CDH8: variants seen among roughly 807,000 people sequenced by gnomAD.
CDH8 encodes cadherin 8, also known as cadherin-8.
Under a neutral mutation model 68.1 loss-of-function variants are expected in CDH8, and 17 were observed. The ratio of observed to expected loss-of-function variants is 0.25; its 90% CI spans 0.17 to 0.37. The LOEUF (loss-of-function observed/expected upper bound fraction) is 0.37. CDH8 is among the 10% of genes least tolerant of loss of function. CDH8 has a pLI of 1.00. For missense variants in CDH8, 763 were observed against 999.3 expected, an observed-to-expected ratio of 0.76 and a Z score of 3.19; for synonymous variants, 372 against 365.1, an observed-to-expected ratio of 1.02 and a Z score of -0.21.
chr16:61,989,068 C>G (rs917455542), intron 2 of CDH8, among the ~76,000 whole-genome samples: 5 of 152,044 alleles, frequency 3.3e-5, no homozygotes, highest in Admixed American at 3.3e-4. Flanking sequence ...ACAGAAAGTT[C>G]CTTTGATTAT....
intron 2 of CDH8, among the ~76,000 whole-genome samples, chr16:62,017,298 A>AAAACAGTC (rs1248294633): frequency 3.3e-5 from 5 of 152,158 alleles, no homozygotes; most frequent in Non-Finnish European, 7.3e-5. Flanking sequence ...ATCAGGAAGA[A>AAAACAGTC]AAACAGTCAA....
At chr16:61,929,973 A>T (rs1185993498) in intron 2 of CDH8, among the ~76,000 whole-genome samples, 1 of 152,182 alleles carries the variant, frequency 6.6e-6, no homozygotes, top group East Asian at 1.9e-4. Flanking sequence ...TATTAAATAA[A>T]GTATAGTCAT....
chr16:61,918,114 T>TA (rs1213351311), intron 2 of CDH8: 2,581 of 145,162 alleles, frequency 0.018, 52 homozygotes, highest in African/African-American at 0.055. Context: ...CTCTCAGGAT[T>TA]AAAAAAAAAA....
intron 3 of CDH8, among the ~76,000 whole-genome samples, chr16:61,874,272 T>A (rs1440307910): frequency 1.3e-5 from 2 of 152,170 alleles, no homozygotes; most frequent in East Asian, 1.9e-4. Flanking sequence ...TGAGCTATGA[T>A]GTTAGGTACA....
intron 10 of CDH8, among the ~76,000 whole-genome samples, chr16:61,706,000 C>G (rs1964522753): frequency 6.6e-6 from 1 of 152,034 alleles, no homozygotes; most frequent in Admixed American, 6.6e-5. Flanking sequence ...TAAGGGTGTG[C>G]CTGGCACATG....
chr16:61,753,877 A>G (rs1393188898), intron 8 of CDH8, among the ~76,000 whole-genome samples: 3 of 152,156 alleles, frequency 2.0e-5, no homozygotes, highest in African/African-American at 4.8e-5. Context: ...AGGAAAAAAC[A>G]ATAATAAAAA....
At chr16:61,774,877 T>C (rs1960866930) in intron 8 of CDH8, among the ~76,000 whole-genome samples, 1 of 152,118 alleles carries the variant, frequency 6.6e-6, no homozygotes, top group Non-Finnish European at 1.5e-5. Flanking sequence ...TGAGGACTTA[T>C]AACAAAGGAA....
At chr16:61,906,816 T>C (rs956511147) in intron 2 of CDH8, among the ~76,000 whole-genome samples, 2 of 152,208 alleles carry the variant, frequency 1.3e-5, no homozygotes, top group African/African-American at 4.8e-5. Flanking sequence ...CCTAAAATCT[T>C]ATCTGCTATA....
At chr16:61,718,044 G>A (rs1208017117) in intron 9 of CDH8, among the ~76,000 whole-genome samples, 1 of 151,278 alleles carries the variant, frequency 6.6e-6, no homozygotes, top group Non-Finnish European at 1.5e-5. Flanking sequence ...TAAAATGTCT[G>A]ATCCCAGATA....
intron 8 of CDH8, among the ~76,000 whole-genome samples, chr16:61,768,354 CTCTCTCTCTCT>C: frequency 8.8e-6 from 1 of 114,046 alleles, no homozygotes; most frequent in East Asian, 2.6e-4. Flanking sequence ...CTCTCTCTCT[CTCTCTCTCTCT>C]CTCCCTTTCT....
At chr16:62,002,176 T>G (rs1965904068) in intron 2 of CDH8, among the ~76,000 whole-genome samples, 1 of 152,218 alleles carries the variant, frequency 6.6e-6, no homozygotes. Context: ...AACAAGTTAA[T>G]CAATTGTATT....
Position 61,800,445 on chromosome 16 carries a change from T to G in CDH8, c.1278-10963A>C, listed in dbSNP as rs1961595515. On this transcript the variant is annotated intron_variant, in intron 7 of 11. Transcript: ENST00000577390. ...ACTACAGTCTACACCCTGTTCCTCT[T>G]CCATACTTGTTCTGTCCAATCTCAG... 2.6e-5 allele frequency among the ~76,000 whole-genome samples: 4 copies of G among 152,198 alleles called. No individual in the cohort carries two copies. The South Asian group carries it at 8.3e-4, about 31-fold the overall frequency.
Position 61,647,685 on chromosome 16 carries a change from C to T in CDH8, c.*5923G>A. ...CTTAGAGCATAATTGTTAAAATTTT[C>T]CTCTTATTTTTGAGGAATCATAGGA... On this transcript the variant is annotated 3_prime_UTR_variant, in exon 12 of 12. Transcript: ENST00000577390. 3.2e-6 allele frequency: 2 copies of T among 627,930 alleles called. No individual in the cohort carries two copies. The highest frequency in any genetic ancestry group is 5.6e-5 in the East Asian group (2 of 35,846). 38.9% of individuals were successfully genotyped at this position (627,930 alleles called of 1,614,324 possible).
At chr16:61,867,957 T>A (rs1335275320) in intron 3 of CDH8, among the ~76,000 whole-genome samples, 1 of 152,090 alleles carries the variant, frequency 6.6e-6, no homozygotes, top group Non-Finnish European at 1.5e-5. Flanking sequence ...CCTCTCATCC[T>A]CCCCTCCAGA....
chr16:61,755,082 C>T (rs1960277162), intron 8 of CDH8, among the ~76,000 whole-genome samples: 1 of 151,516 alleles, frequency 6.6e-6, no homozygotes, highest in Non-Finnish European at 1.5e-5. Flanking sequence ...AACTTCAAGT[C>T]AATATAGGAG....
chr16:61,938,869 T>C (rs557301887), intron 2 of CDH8, among the ~76,000 whole-genome samples: 1 of 152,310 alleles, frequency 6.6e-6, no homozygotes, highest in South Asian at 2.1e-4. Flanking sequence ...CAGTTCTCCA[T>C]AAATGGGATG....
At chr16:61,882,358 T>C (rs1963594187) in intron 3 of CDH8, among the ~76,000 whole-genome samples, 1 of 152,230 alleles carries the variant, frequency 6.6e-6, no homozygotes, top group African/African-American at 2.4e-5. Flanking sequence ...GATCTAGGAA[T>C]AAAGAGATGA....
intron 8 of CDH8, among the ~76,000 whole-genome samples, chr16:61,750,338 G>A (rs541152085): frequency 2.0e-5 from 3 of 152,102 alleles, no homozygotes; most frequent in Non-Finnish European, 4.4e-5. Context: ...CAGTGGGAGA[G>A]TGAAGTGGAA....
chr16:61,931,949 T>C (rs1030951061), intron 2 of CDH8, among the ~76,000 whole-genome samples: 4 of 152,142 alleles, frequency 2.6e-5, no homozygotes, highest in Admixed American at 6.5e-5. Flanking sequence ...GGCTCACCCC[T>C]GTAATCCCAG....
Sources: allele counts gnomAD v4.1 joint callset (sites outside exome capture counted in the v4.1 genomes callset), GRCh38; gene constraint gnomAD v4.1.1; transcripts MANE v1.5; gene names NCBI Gene and HGNC (gene_info 2026-07-23, HGNC 2026-07-21).